Variants in ABCC4 observed in about 807,000 individuals in gnomAD.
ABCC4 encodes ATP-binding cassette sub-family C member 4.
Under a neutral mutation model 168.5 loss-of-function variants are expected in ABCC4, and 102 were observed. The ratio of observed to expected loss-of-function variants is 0.61; its 90% CI spans 0.52 to 0.71. The LOEUF (loss-of-function observed/expected upper bound fraction) is 0.71. Ranked by LOEUF, ABCC4 falls within the 30% of genes least tolerant of loss-of-function variation. The pLI is 0.00. For missense variants in ABCC4, 1,402 were observed against 1,605.8 expected (o/e 0.87, Z 2.17); for synonymous variants, 617 against 590.7 (o/e 1.04, Z -0.65).
chr13:95,218,981 G>GAAAGAAAGAAAGAAAA (rs2039225980), intron 4 of ABCC4, among the ~76,000 whole-genome samples: 3 of 53,592 alleles, frequency 5.6e-5, no homozygotes, highest in African/African-American at 1.6e-4. Context: ...AAGAAAGAAA[G>GAAAGAAAGAAAGAAAA]AAAGAGTGAG....
chr13:95,126,720 AATATATATATATATATATATAT>A lies in ABCC4; in HGVS notation c.2456-10741_2456-10720del, dbSNP rs71111594. ...ATAAAAATGCATGAACTTTTTTTGG[AATATATATATATATATATATAT>A]ATATATATATATTCCAAAATATATA... On this transcript the variant is annotated intron_variant, in intron 19 of 30. Coordinates refer to ENST00000645237, the MANE Select transcript of ABCC4 (RefSeq NM_005845.5). Among the ~76,000 whole-genome samples, 5 of 81,670 alleles carry A rather than the reference AATATATATATATATATATATAT, an allele frequency of 6.1e-5. No homozygotes were observed. In the East Asian group the frequency reaches 1.5e-3, roughly 24 times the overall value. 53.6% of individuals were successfully genotyped at this position (81,670 alleles called of 152,430 possible). A position where few individuals can be genotyped will look rare whatever the true frequency, so the allele number is the denominator to read the frequency against.
intron 11 of ABCC4, among the ~76,000 whole-genome samples, chr13:95,182,524 A>G (rs568848886): frequency 6.6e-6 from 1 of 152,376 alleles, no homozygotes; most frequent in African/African-American, 2.4e-5. Context: ...TTATATACTC[A>G]GATACATTCT....
At chr13:95,124,241 A>T (rs2035673316) in intron 19 of ABCC4, among the ~76,000 whole-genome samples, 1 of 152,194 alleles carries the variant, frequency 6.6e-6, no homozygotes, top group Non-Finnish European at 1.5e-5. Context: ...AAAGTAGTCC[A>T]CAGAAGATAG....
At chr13:95,296,915 T>G (rs1196978649) in intron 1 of ABCC4, among the ~76,000 whole-genome samples, 4 of 152,102 alleles carry the variant, frequency 2.6e-5, no homozygotes, top group Non-Finnish European at 4.4e-5. Context: ...GGGGACTATC[T>G]CATATCAAAT....
intron 22 of ABCC4, 86 bp from the exon 23 acceptor site, chr13:95,074,410 T>A: frequency 1.8e-6 from 2 of 1,082,242 alleles, no homozygotes; most frequent in South Asian, 3.1e-5. Flanking sequence ...AGAAGATTTT[T>A]ACGTGGAGTA....
chr13:95,139,474 G>A (rs4148512), intron 19 of ABCC4, among the ~76,000 whole-genome samples: 40,944 of 152,078 alleles, frequency 0.27, 5,996 homozygotes, highest in African/African-American at 0.39. Flanking sequence ...AGGGCAAGCT[G>A]TGTAGGGGGT....
At chr13:95,070,158 C>T (rs1222537907) in intron 25 of ABCC4, among the ~76,000 whole-genome samples, 3 of 152,114 alleles carry the variant, frequency 2.0e-5, no homozygotes, top group Non-Finnish European at 2.9e-5. Flanking sequence ...GCAGGAAAAT[C>T]GCTTGAACCT....
chr13:95,191,864 C>A (rs138731825), intron 9 of ABCC4, among the ~76,000 whole-genome samples: 1 of 152,228 alleles, frequency 6.6e-6, no homozygotes, highest in Admixed American at 6.5e-5. Flanking sequence ...CCCATCAAGG[C>A]CCTGGTTCTT....
At chr13:95,144,941 A>G (rs2036442400) in intron 19 of ABCC4, among the ~76,000 whole-genome samples, 2 of 152,140 alleles carry the variant, frequency 1.3e-5, no homozygotes, top group Admixed American at 1.3e-4. Flanking sequence ...CTAAGCAAAA[A>G]GAACAGAATC....
chr13:95,102,035 G>A (rs1275680265), intron 20 of ABCC4, among the ~76,000 whole-genome samples: 1 of 152,214 alleles, frequency 6.6e-6, no homozygotes. Flanking sequence ...CGTAGCATGT[G>A]GCTTTGTGAG....
At chr13:95,127,571 C>T (rs1594142376) in intron 19 of ABCC4, among the ~76,000 whole-genome samples, 1 of 152,288 alleles carries the variant, frequency 6.6e-6, no homozygotes, top group East Asian at 1.9e-4. Flanking sequence ...AGCCACCGTG[C>T]CTGGCCTGAT....
At chr13:95,027,829 C>A (rs1376489419) in intron 30 of ABCC4, among the ~76,000 whole-genome samples, 2 of 152,072 alleles carry the variant, frequency 1.3e-5, no homozygotes, top group African/African-American at 2.4e-5. Flanking sequence ...AGAACTAAGA[C>A]AAAACATACT....
intron 18 of ABCC4, among the ~76,000 whole-genome samples, chr13:95,162,284 G>A (rs1224715184): frequency 1.3e-5 from 2 of 152,138 alleles, no homozygotes; most frequent in African/African-American, 2.4e-5. Context: ...CTTAGCAAGC[G>A]ATCGATGAAA....
intron 1 of ABCC4, among the ~76,000 whole-genome samples, chr13:95,279,281 T>C (rs2041053359): frequency 6.6e-6 from 1 of 152,210 alleles, no homozygotes; most frequent in African/African-American, 2.4e-5. Flanking sequence ...GCGCTTCGCA[T>C]GTGACTTTCA....
chr13:95,131,324 T>C (rs1192413903), intron 19 of ABCC4, among the ~76,000 whole-genome samples: 1 of 152,098 alleles, frequency 6.6e-6, no homozygotes, highest in South Asian at 2.1e-4. Context: ...ATGGGCGCCT[T>C]GTTTTCAGGG....
At chr13:95,220,022 ATTT>A (rs60994275) in intron 4 of ABCC4, among the ~76,000 whole-genome samples, 333 of 144,806 alleles carry the variant, frequency 2.3e-3, no homozygotes, top group Middle Eastern at 0.014. Flanking sequence ...TGCCTGGCTA[ATTT>A]TTTTTTTTTT....
intron 1 of ABCC4, among the ~76,000 whole-genome samples, chr13:95,262,589 C>T (rs2040558916): frequency 6.6e-6 from 1 of 151,850 alleles, no homozygotes; most frequent in Admixed American, 6.6e-5. Context: ...AGTCACCCAA[C>T]ATGCATGCTC....
chr13:95,297,886 C>G (rs1467585987), intron 1 of ABCC4, among the ~76,000 whole-genome samples: 2 of 152,154 alleles, frequency 1.3e-5, no homozygotes, highest in Non-Finnish European at 2.9e-5. Context: ...TACGAGGTGA[C>G]TGCTGTGTCA....
In ABCC4 at chr13:95,043,763, T is replaced by G. The variant is rs761854338; in HGVS notation, c.3654A>C (p.Lys1218Asn). Residue 1218 changes from lysine to asparagine, a missense_variant, in exon 29 of 31, where the codon AAA (lysine) becomes AAC (asparagine). Around this residue, in one of 3 missense-constraint regions of ABCC4, gnomAD observed 1,007 missense variants for 1,127.3 expected, o/e 0.89. Transcript: ENST00000645237. ...DPRTDELIQK[K>N]IREKFAHCTV... ...TGCAGTGGGCAAATTTCTCCCGGAT[T>G]TTTTTTTGTATTAACTCATCAGTTC... 1.2e-6 allele frequency: 2 copies of G among 1,613,630 alleles called. No individual in the cohort carries two copies. Among genetic ancestry groups the G allele is most frequent in the East Asian group, 4.5e-5 (2 of 44,866 alleles).
Sources: gnomAD v4.1 joint callset for allele counts (sites outside exome capture counted in the v4.1 genomes callset) on GRCh38, gnomAD v4.1.1 for gene constraint, gnomAD v4.1.1 regional missense constraint, MANE v1.5 for transcripts, NCBI Gene and HGNC (gene_info 2026-07-23, HGNC 2026-07-21) for gene names.